FRMD4A: variants seen among roughly 807,000 people sequenced by gnomAD.
The protein encoded by FRMD4A is FERM domain containing 4A.
In FRMD4A, 29 loss-of-function variants were observed where a neutral mutation model predicts 129.1. The ratio of observed to expected loss-of-function variants is 0.22; its 90% CI spans 0.17 to 0.31. FRMD4A has a LOEUF of 0.31. Ranked by LOEUF, FRMD4A falls within the 10% of genes least tolerant of loss-of-function variation. FRMD4A has a pLI of 1.00. For missense variants in FRMD4A, 1,272 were observed against 1,375.8 expected, an observed-to-expected ratio of 0.92 and a Z score of 1.19; for synonymous variants, 634 against 571.6, an observed-to-expected ratio of 1.11 and a Z score of -1.56.
rs181566142 is a variant in FRMD4A at position 14,035,447 on chromosome 10, A to G, written c.46-176535T>C. On this transcript the variant is annotated intron_variant, in intron 2 of 24. Coordinates refer to ENST00000357447, the MANE Select transcript of FRMD4A (RefSeq NM_018027.5). The stretch of plus-strand genomic sequence containing the variant: ...AAATAAACAAAAAAAAAAAAAGAAG[A>G]AAAAAATGAAACAAGCCAAATATAA... Among the ~76,000 whole-genome samples the G allele has an allele frequency of 3.3e-4, 50 of 150,716 alleles. 1 individual carries two copies. Among genetic ancestry groups the G allele is most frequent in the African/African-American group, 1.2e-3 (48 of 40,524 alleles).
chr10:13,717,002 C>G (rs1489388173), intron 12 of FRMD4A, among the ~76,000 whole-genome samples: 1 of 152,204 alleles, frequency 6.6e-6, no homozygotes, highest in African/African-American at 2.4e-5. Context: ...CCCCAAGGGA[C>G]TGGCTGGGGT....
At chr10:13,867,740 T>TA (rs2094389652) in intron 2 of FRMD4A, among the ~76,000 whole-genome samples, 1 of 122,776 alleles carries the variant, frequency 8.1e-6, no homozygotes, top group South Asian at 2.2e-4. Flanking sequence ...ATAAATAACA[T>TA]ATAATATAAT....
At chr10:13,680,272 C>T (rs2084424391) in intron 15 of FRMD4A, among the ~76,000 whole-genome samples, 1 of 151,476 alleles carries the variant, frequency 6.6e-6, no homozygotes, top group African/African-American at 2.4e-5. Flanking sequence ...GCCTGGGCAA[C>T]ATGGTGAGAC....
intron 12 of FRMD4A, among the ~76,000 whole-genome samples, chr10:13,713,777 A>G (rs569554088): frequency 2.0e-4 from 28 of 137,916 alleles, no homozygotes; most frequent in Non-Finnish European, 2.9e-4. Flanking sequence ...ACACATATAT[A>G]TAATATATAT....
intron 2 of FRMD4A, among the ~76,000 whole-genome samples, chr10:14,058,112 C>G (rs1341292516): frequency 6.6e-6 from 1 of 152,176 alleles, no homozygotes. Flanking sequence ...ATGAGTAGAA[C>G]TGGAGAGAAA....
At chr10:13,929,819 T>A (rs2095173375) in intron 2 of FRMD4A, among the ~76,000 whole-genome samples, 1 of 152,196 alleles carries the variant, frequency 6.6e-6, no homozygotes, top group Non-Finnish European at 1.5e-5. Flanking sequence ...CTGTGCTACT[T>A]ACTAGTGCTA....
At chr10:14,100,109 T>C (rs555398255) in intron 2 of FRMD4A, among the ~76,000 whole-genome samples, 10 of 152,322 alleles carry the variant, frequency 6.6e-5, no homozygotes, top group Admixed American at 3.3e-4. Flanking sequence ...GCAAACCCAG[T>C]TGTGGTGCCT....
At chr10:14,162,549 C>T (rs1840946387) in intron 2 of FRMD4A, among the ~76,000 whole-genome samples, 2 of 151,672 alleles carry the variant, frequency 1.3e-5, no homozygotes, top group African/African-American at 4.9e-5. Flanking sequence ...ATGTGTGGGG[C>T]ACAGCTAAAT....
chr10:13,835,647 A>C (rs915953401), intron 3 of FRMD4A, among the ~76,000 whole-genome samples: 4 of 152,190 alleles, frequency 2.6e-5, no homozygotes, highest in African/African-American at 9.7e-5. Flanking sequence ...CAGGTGTCTA[A>C]TGCCTGATGA....
chr10:14,096,388 C>T (rs558319035), intron 2 of FRMD4A, among the ~76,000 whole-genome samples: 2 of 152,272 alleles, frequency 1.3e-5, no homozygotes, highest in South Asian at 2.1e-4. Flanking sequence ...TTTGTTATAG[C>T]AGCCTGAACT....
intron 15 of FRMD4A, among the ~76,000 whole-genome samples, chr10:13,689,158 G>A (rs1287567622): frequency 3.6e-5 from 5 of 140,822 alleles, no homozygotes; most frequent in South Asian, 2.4e-4. Flanking sequence ...AACATTTTAC[G>A]TCTTTTTTTT....
At chr10:14,198,318 G>A (rs1480159105) in intron 2 of FRMD4A, among the ~76,000 whole-genome samples, 1 of 152,214 alleles carries the variant, frequency 6.6e-6, no homozygotes, top group Non-Finnish European at 1.5e-5. Context: ...TGGGACATCG[G>A]GCTGGAGAGA....
intron 2 of FRMD4A, among the ~76,000 whole-genome samples, chr10:14,014,383 T>G (rs11258796): frequency 6.6e-6 from 1 of 151,952 alleles, no homozygotes; most frequent in African/African-American, 2.4e-5. Flanking sequence ...AATACAAAAA[T>G]GAAAAATAGC....
At chr10:14,276,153 C>T (rs564142015) in intron 2 of FRMD4A, among the ~76,000 whole-genome samples, 2 of 152,282 alleles carry the variant, frequency 1.3e-5, no homozygotes, top group Admixed American at 1.3e-4. Context: ...AGTTTTTTCC[C>T]ACCGGAAGAC....
At chr10:13,949,505 T>C (rs1217740221) in intron 2 of FRMD4A, among the ~76,000 whole-genome samples, 1 of 152,190 alleles carries the variant, frequency 6.6e-6, no homozygotes, top group Non-Finnish European at 1.5e-5. Flanking sequence ...TCATGGGTCT[T>C]AAAAACTCAC....
intron 8 of FRMD4A, among the ~76,000 whole-genome samples, chr10:13,760,378 G>A (rs1252816347): frequency 2.6e-5 from 4 of 152,112 alleles, no homozygotes; most frequent in Non-Finnish European, 5.9e-5. Context: ...AATTAGCCCG[G>A]TGCAGTGACT....
chr10:14,115,114 C>T (rs1838131764), intron 2 of FRMD4A, among the ~76,000 whole-genome samples: 1 of 152,186 alleles, frequency 6.6e-6, no homozygotes, highest in Non-Finnish European at 1.5e-5. Context: ...CTAAGGAGAC[C>T]AAATGAGAGC....
intron 2 of FRMD4A, among the ~76,000 whole-genome samples, chr10:14,188,849 T>C (rs1184001159): frequency 6.6e-6 from 1 of 152,154 alleles, no homozygotes; most frequent in Non-Finnish European, 1.5e-5. Flanking sequence ...AAGGCAGCAA[T>C]GAGCGGTGAT....
intron 2 of FRMD4A, among the ~76,000 whole-genome samples, chr10:13,957,379 G>A (rs376303705): frequency 9.9e-5 from 15 of 152,070 alleles, no homozygotes; most frequent in African/African-American, 2.7e-4. Flanking sequence ...TCAGCCTCCC[G>A]TCTAGCTGGG....
Sources: gnomAD v4.1 joint callset for allele counts (sites outside exome capture counted in the v4.1 genomes callset) on GRCh38, gnomAD v4.1.1 for gene constraint, MANE v1.5 for transcripts, NCBI Gene and HGNC (gene_info 2026-07-23, HGNC 2026-07-21) for gene names.